PPP1R9A: variants seen among roughly 807,000 people sequenced by gnomAD.
The protein encoded by PPP1R9A is neurabin-1.
Under a neutral mutation model 141.9 loss-of-function variants are expected in PPP1R9A, and 59 were observed. The observed-to-expected ratio is 0.42, with a 90% confidence interval of 0.34 to 0.52. The LOEUF is 0.52. Among genes scored for constraint, PPP1R9A ranks in the 20% least tolerant of loss-of-function variants. PPP1R9A has a pLI of 0.10. For synonymous variants in PPP1R9A, 500 were observed against 569.7 expected (o/e 0.88, Z 1.74); for missense variants, 1,444 against 1,611.9 (o/e 0.90, Z 1.78).
rs1801803764 is a variant in PPP1R9A, at chr7:95,269,383, A to G, written c.3000A>G (p.Glu1000=). The G allele has an allele frequency of 6.3e-7, 1 of 1,597,860 alleles. No individual in the cohort carries two copies. The highest frequency in any genetic ancestry group is 1.3e-5 in the African/African-American group (1 of 74,780). The stretch of plus-strand genomic sequence containing the variant: ...TTCAAGAAGAACCACTGGACCCAGA[A>G]ATGGGGCCTCTCTCCTCTATGTGGG... ...AEFQEEPLDP[E]MGPLSSMWGD... The change falls in exon 14 of 20, where the codon GAA becomes GAG. Residue 1000 remains glutamate, a synonymous_variant. Coordinates refer to ENST00000433360, the MANE Select transcript of PPP1R9A (RefSeq NM_001166160.2).
chr7:95,069,130 A>G (rs1233712097), intron 2 of PPP1R9A, among the ~76,000 whole-genome samples: 4 of 152,196 alleles, frequency 2.6e-5, no homozygotes. Flanking sequence ...AAAAGCCTGT[A>G]CATGCTCAGT....
chr7:94,971,373 A>G (rs1333754958), intron 2 of PPP1R9A, among the ~76,000 whole-genome samples: 1 of 152,236 alleles, frequency 6.6e-6, no homozygotes. Context: ...GGATAAATGA[A>G]TTGCTAAAGA....
intron 2 of PPP1R9A, among the ~76,000 whole-genome samples, chr7:94,982,448 A>G (rs1366609023): frequency 3.3e-5 from 5 of 152,166 alleles, no homozygotes; most frequent in African/African-American, 1.2e-4. Flanking sequence ...CCCACAATGT[A>G]AAAGTGTTCC....
intron 12 of PPP1R9A, among the ~76,000 whole-genome samples, chr7:95,264,224 A>G (rs943560833): frequency 6.6e-6 from 1 of 152,198 alleles, no homozygotes; most frequent in Non-Finnish European, 1.5e-5. Context: ...TTCAAGTTTT[A>G]AAATGCCACC....
rs554480972 is a variant in PPP1R9A at position 95,094,652 on chromosome 7, C to T, written c.1396-16607C>T. ...CCCAGCACTTTGGGAGGCCAAGGCA[C>T]GTGGATCATTTGAGGTCAGGAGTTT... is the stretch of plus-strand genomic sequence containing the variant. On this transcript the variant is annotated intron_variant, in intron 2 of 19. Transcript: ENST00000433360. 4.2e-4 allele frequency among the ~76,000 whole-genome samples: 63 copies of T among 151,798 alleles called. No individual in the cohort carries two copies. The South Asian group carries it at 0.011, about 27-fold the overall frequency.
intron 2 of PPP1R9A, among the ~76,000 whole-genome samples, chr7:95,021,299 C>T (rs559220327): frequency 6.9e-6 from 1 of 145,326 alleles, no homozygotes; most frequent in East Asian, 2.0e-4. Context: ...ATTCTTTGCT[C>T]ACTTTTTGAT....
chr7:95,135,510 T>G (rs895271744), intron 4 of PPP1R9A, among the ~76,000 whole-genome samples: 3 of 152,206 alleles, frequency 2.0e-5, no homozygotes, highest in Non-Finnish European at 4.4e-5. Context: ...TAGTTTGTTC[T>G]TTCTTTATTT....
At chr7:95,175,741 T>C (rs1256123531) in intron 5 of PPP1R9A, among the ~76,000 whole-genome samples, 2 of 152,176 alleles carry the variant, frequency 1.3e-5, no homozygotes, top group East Asian at 3.8e-4. Flanking sequence ...AACTATCTGC[T>C]ACCCATGATC....
intron 4 of PPP1R9A, among the ~76,000 whole-genome samples, chr7:95,149,673 T>C (rs1828291126): frequency 6.6e-6 from 1 of 151,402 alleles, no homozygotes; most frequent in South Asian, 2.1e-4. Context: ...CCTAATAAAA[T>C]CTGAAGTCTG....
intron 7 of PPP1R9A, among the ~76,000 whole-genome samples, chr7:95,214,689 A>G (rs1268740422): frequency 6.6e-6 from 1 of 152,156 alleles, no homozygotes; most frequent in Admixed American, 6.6e-5. Context: ...TATAGTAGGA[A>G]ATAGAGTCCC....
At position 94,911,503 on chromosome 7, in the gene PPP1R9A, A is replaced by G. The variant is rs1471532095; in HGVS notation, c.1390A>G (p.Ile464Val). 6 of 1,601,372 alleles carry G rather than the reference A, an allele frequency of 3.7e-6. No homozygotes were observed. The highest frequency in any genetic ancestry group is 5.1e-6 in the Non-Finnish European group (6 of 1,170,424). Reference sequence around the variant, plus strand: ...GAAAATTAAGTTTAGTAGTGCTCCTATTAAGGTAAGTGTGTTTTCTCCATT... The same window carrying G: ...GAAAATTAAGTTTAGTAGTGCTCCTGTTAAGGTAAGTGTGTTTTCTCCATT... The part of the protein sequence containing the change: ...NRKIKFSSAP[I>V]KVFNTYSNED... Residue 464 changes from isoleucine to valine, a missense_variant, in exon 2 of 20, where the codon ATT becomes GTT. Physicochemically the swap from Ile to Val is conservative, Grantham distance 29 (BLOSUM62 3). Coordinates refer to ENST00000433360, the MANE Select transcript of PPP1R9A (RefSeq NM_001166160.2).
chr7:95,008,688 C>T (rs1803970349), intron 2 of PPP1R9A, among the ~76,000 whole-genome samples: 1 of 152,090 alleles, frequency 6.6e-6, no homozygotes, highest in African/African-American at 2.4e-5. Context: ...AAGCAGTGGT[C>T]TGGAAGTGGG....
At chr7:95,106,948 ATTG>A (rs1430764951) in intron 2 of PPP1R9A, among the ~76,000 whole-genome samples, 1 of 151,780 alleles carries the variant, frequency 6.6e-6, no homozygotes, top group East Asian at 1.9e-4. Context: ...CGCCCAGTTA[ATTG>A]TTGTATTTTT....
intron 2 of PPP1R9A, among the ~76,000 whole-genome samples, chr7:95,001,978 C>T (rs1802995404): frequency 6.6e-6 from 1 of 152,190 alleles, no homozygotes; most frequent in Non-Finnish European, 1.5e-5. Flanking sequence ...GTGTGAGTGT[C>T]ACAAGCCATG....
intron 2 of PPP1R9A, among the ~76,000 whole-genome samples, chr7:95,011,583 AT>A (rs1204164960): frequency 6.6e-6 from 1 of 152,124 alleles, no homozygotes; most frequent in African/African-American, 2.4e-5. Flanking sequence ...TTAATCACAC[AT>A]TTACTACTAA....
chr7:94,955,662 G>C (rs1797004186), intron 2 of PPP1R9A, among the ~76,000 whole-genome samples: 1 of 152,098 alleles, frequency 6.6e-6, no homozygotes, highest in Non-Finnish European at 1.5e-5. Context: ...GTATGGTTTA[G>C]AAAATCAGTG....
intron 2 of PPP1R9A, among the ~76,000 whole-genome samples, chr7:94,948,910 T>C (rs1796168335): frequency 6.6e-6 from 1 of 152,126 alleles, no homozygotes; most frequent in African/African-American, 2.4e-5. Flanking sequence ...TATATATCAC[T>C]ACGCCAAAAC....
At chr7:95,099,457 A>G (rs375167885) in intron 2 of PPP1R9A, among the ~76,000 whole-genome samples, 25 of 152,326 alleles carry the variant, frequency 1.6e-4, no homozygotes, top group African/African-American at 4.6e-4. Context: ...GGATAGTTCA[A>G]TTGTTTACAA....
intron 2 of PPP1R9A, among the ~76,000 whole-genome samples, chr7:94,935,077 G>A (rs1407404018): frequency 1.3e-5 from 2 of 152,136 alleles, no homozygotes; most frequent in Non-Finnish European, 2.9e-5. Context: ...AATGAAGTGT[G>A]AGAATAATTA....
Sources: allele counts gnomAD v4.1 joint callset (sites outside exome capture counted in the v4.1 genomes callset), GRCh38; gene constraint gnomAD v4.1.1; transcripts MANE v1.5; gene names NCBI Gene and HGNC (gene_info 2026-07-23, HGNC 2026-07-21).